The following DSE variants were observed in gnomAD, a reference collection of about 807,000 sequenced individuals.
The protein encoded by DSE is dermatan-sulfate epimerase.
DSE carries 36 observed loss-of-function variants against 84.4 expected under a neutral mutation model. The ratio of observed to expected loss-of-function variants is 0.43; its 90% CI spans 0.33 to 0.56. The LOEUF (loss-of-function observed/expected upper bound fraction) is 0.56, where lower values mean the gene tolerates loss of function less well. Among genes scored for constraint, DSE ranks in the 20% least tolerant of loss-of-function variants. The pLI, the probability that DSE is intolerant of heterozygous loss-of-function variation, is 0.06. For missense variants in DSE, 862 were observed against 1,169.6 expected, an observed-to-expected ratio of 0.74 and a Z score of 3.84; for synonymous variants, 410 against 430.1, an observed-to-expected ratio of 0.95 and a Z score of 0.58.
chr6:116,372,425 G>A (rs992053736), intron 1 of DSE, among the ~76,000 whole-genome samples: 1 of 152,120 alleles, frequency 6.6e-6, no homozygotes, highest in East Asian at 1.9e-4. Flanking sequence ...CCGAGATTGC[G>A]CCACTGCTCT....
At chr6:116,395,152 G>A (rs1217563789) in intron 1 of DSE, among the ~76,000 whole-genome samples, 6 of 150,722 alleles carry the variant, frequency 4.0e-5, no homozygotes, top group African/African-American at 7.3e-5. Flanking sequence ...TTGGCTGGGC[G>A]CGGTGGCGCA....
In DSE at chr6:116,437,246, C is replaced by T; in HGVS notation, c.2778C>T (p.Ala926=). 6.2e-7 allele frequency: 1 copy of T among 1,614,066 alleles called. No homozygotes were observed. The highest frequency in any genetic ancestry group is 1.3e-5 in the African/African-American group (1 of 75,000). The change falls in exon 6 of 6, where the codon GCC becomes GCT. Residue 926 remains alanine, a synonymous_variant. Coordinates refer to ENST00000644252, the MANE Select transcript of DSE (RefSeq NM_013352.4). ...TGCAACTGACTTATTTCCAGAGGGC[C>T]CAGAGCCTACATGGCCAAAGATGTC... The part of the protein sequence containing the change: ...LAMQLTYFQR[A]QSLHGQRCLY...
intron 2 of DSE, among the ~76,000 whole-genome samples, chr6:116,403,189 G>T (rs1253709107): frequency 5.3e-5 from 8 of 152,040 alleles, no homozygotes; most frequent in African/African-American, 9.7e-5. Context: ...AGAGGTGCTC[G>T]CATCCTATCT....
intron 1 of DSE, among the ~76,000 whole-genome samples, chr6:116,374,717 A>T (rs1779816499): frequency 6.6e-6 from 1 of 152,134 alleles, no homozygotes; most frequent in African/African-American, 2.4e-5. Context: ...TCACATGGTG[A>T]GGGAGTTGTT....
intron 2 of DSE, among the ~76,000 whole-genome samples, chr6:116,335,382 A>G (rs1345503616): frequency 6.6e-6 from 1 of 152,166 alleles, no homozygotes; most frequent in African/African-American, 2.4e-5. Context: ...GCAAGGGTGG[A>G]GGGTGGGAAG....
rs755066741 is a variant in DSE at position 116,436,824 on chromosome 6, A to G, written c.2356A>G (p.Thr786Ala). 6.2e-7 allele frequency: 1 copy of G among 1,614,038 alleles called. No individual in the cohort carries two copies. Among genetic ancestry groups the G allele is most frequent in the African/African-American group, 1.3e-5 (1 of 74,936 alleles). The stretch of plus-strand genomic sequence containing the variant: ...GCTGAGATTTTCAGATAAGAGACAG[A>G]CTGAGGAGGCCATTGACAGGATTTT... Reference protein sequence around the residue: ...RLLRFSDKRQTEEAIDRIFAI... With the variant: ...RLLRFSDKRQAEEAIDRIFAI... Residue 786 changes from threonine to alanine, a missense_variant, in exon 6 of 6, where the codon ACT (threonine) becomes GCT (alanine). Thr to Ala is a moderately conservative substitution (Grantham distance 58). Around this residue, in one of 4 missense-constraint regions of DSE, gnomAD observed 315 missense variants for 348.1 expected, o/e 0.90. Transcript: ENST00000644252.
intron 1 of DSE, among the ~76,000 whole-genome samples, chr6:116,380,348 G>A (rs1780150595): frequency 6.6e-6 from 1 of 152,014 alleles, no homozygotes; most frequent in Non-Finnish European, 1.5e-5. Context: ...GGTTGGAGAA[G>A]AATAACTGAA....
intron 1 of DSE, among the ~76,000 whole-genome samples, chr6:116,390,442 A>G (rs1373201844): frequency 1.3e-5 from 2 of 152,126 alleles, no homozygotes; most frequent in Non-Finnish European, 2.9e-5. Flanking sequence ...CTTATCCCCA[A>G]CTTGGGTAAG....
Position 116,417,569 on chromosome 6 carries a change from T to A in DSE, c.417-9005T>A, listed in dbSNP as rs3798404. 1.8e-3 allele frequency among the ~76,000 whole-genome samples: 272 copies of A among 152,258 alleles called. 9 individuals are homozygous for A. The East Asian group carries it at 0.044, about 24-fold the overall frequency. On this transcript the variant is annotated intron_variant, in intron 2 of 5. Transcript: ENST00000644252. Reference sequence around the variant, plus strand: ...ATTTTAGAATTTAATATTTGGGATATTGAATTCACAGCATTAAAATGAAAT... The same window carrying A: ...ATTTTAGAATTTAATATTTGGGATAATGAATTCACAGCATTAAAATGAAAT...
chr6:116,410,290 C>G (rs1782233281), intron 2 of DSE, among the ~76,000 whole-genome samples: 1 of 152,202 alleles, frequency 6.6e-6, no homozygotes, highest in Non-Finnish European at 1.5e-5. Context: ...ATCCCAGTCC[C>G]AGTTCCCTCC....
intron 2 of DSE, among the ~76,000 whole-genome samples, chr6:116,330,710 C>T (rs116716459): frequency 3.3e-5 from 5 of 152,274 alleles, no homozygotes; most frequent in African/African-American, 1.2e-4. Context: ...AGCTGAATCA[C>T]TCATTTTAAA....
intron 2 of DSE, chr6:116,277,326 A>AT (rs1773192869): frequency 6.6e-6 from 1 of 152,586 alleles, no homozygotes; most frequent in Admixed American, 6.5e-5. Flanking sequence ...ATTCATCATC[A>AT]TTGGGGAGTA....
chr6:116,372,439 G>C (rs570244792), intron 1 of DSE, among the ~76,000 whole-genome samples: 1 of 152,360 alleles, frequency 6.6e-6, no homozygotes, highest in South Asian at 2.1e-4. Context: ...CTGCTCTCCA[G>C]CCTGGGCGAC....
rs193189842 is a variant in DSE, at chr6:116,441,394, A to G, written c.*4049A>G. ...GTACTAGAAGCCTTATTTAAAAAACAAAACAATAAATTATCTGTCCCTTCC... is the reference window on the plus strand; with the variant it reads ...GTACTAGAAGCCTTATTTAAAAAACGAAACAATAAATTATCTGTCCCTTCC... On this transcript the variant is annotated 3_prime_UTR_variant, in exon 6 of 6. Coordinates refer to ENST00000644252, the MANE Select transcript of DSE (RefSeq NM_013352.4). 1 of 152,358 alleles carries G rather than the reference A, an allele frequency of 6.6e-6. No individual in the cohort carries two copies. The highest frequency in any genetic ancestry group is 1.5e-5 in the Non-Finnish European group (1 of 68,030). The allele number at this position is 152,358 out of a possible 1,614,324, so 9.4% of individuals were successfully genotyped here. A position where few individuals can be genotyped will look rare whatever the true frequency, so the allele number is the denominator to read the frequency against.
chr6:116,281,554 C>G (rs2114643981), intron 2 of DSE, among the ~76,000 whole-genome samples: 1 of 152,240 alleles, frequency 6.6e-6, no homozygotes, highest in Non-Finnish European at 1.5e-5. Context: ...TTGAATCTGT[C>G]TTTCAATATC....
chr6:116,400,642 T>C (rs1781535251), intron 2 of DSE: 1 of 152,216 alleles, frequency 6.6e-6, no homozygotes, highest in Non-Finnish European at 1.5e-5. Flanking sequence ...TGGCATTAAA[T>C]CCATATCAGA....
chr6:116,431,051 T>A lies in DSE; in HGVS notation c.768T>A (p.Tyr256Ter). The change falls in exon 4 of 6, where the codon TAT becomes TAA. Residue 256 changes from tyrosine (Y) to a stop codon, truncating the protein, a stop_gained. Coordinates refer to ENST00000644252, the MANE Select transcript of DSE (RefSeq NM_013352.4). LOFTEE classifies it high-confidence loss of function. Reference sequence around the variant, plus strand: ...GGGAGGTGACGGATGGCTCCCTCTATGAAGGAGTTGCGTATGGCAGCTACA... The same window carrying A: ...GGGAGGTGACGGATGGCTCCCTCTAAGAAGGAGTTGCGTATGGCAGCTACA... ...LLREVTDGSL[Y>*]EGVAYGSYTT... 6.2e-7 allele frequency: 1 copy of A among 1,614,166 alleles called. No homozygotes were observed. Among genetic ancestry groups the A allele is most frequent in the Non-Finnish European group, 8.5e-7 (1 of 1,180,024 alleles).
intron 2 of DSE, among the ~76,000 whole-genome samples, chr6:116,286,212 A>G (rs1243658267): frequency 6.6e-6 from 1 of 152,146 alleles, no homozygotes; most frequent in East Asian, 1.9e-4. Context: ...AGTGGTTTGT[A>G]GTTCTCCTTG....
intron 2 of DSE, among the ~76,000 whole-genome samples, chr6:116,281,848 C>G (rs1773563683): frequency 6.6e-6 from 1 of 152,236 alleles, no homozygotes. Flanking sequence ...GCTCTCCTTC[C>G]TATCTGCCAC....
Sources: gnomAD v4.1 joint callset for allele counts (sites outside exome capture counted in the v4.1 genomes callset) on GRCh38, gnomAD v4.1.1 for gene constraint, gnomAD v4.1.1 regional missense constraint, MANE v1.5 for transcripts, NCBI Gene and HGNC (gene_info 2026-07-23, HGNC 2026-07-21) for gene names.